The following PARD3B variants were observed in gnomAD, a reference collection of about 807,000 sequenced individuals.
PARD3B encodes the protein par-3 family cell polarity regulator beta, also known as partitioning defective 3 homolog B.
PARD3B carries 103 observed loss-of-function variants against 130.2 expected under a neutral mutation model. The ratio of observed to expected loss-of-function variants is 0.79; its 90% confidence interval spans 0.67 to 0.93. PARD3B has a LOEUF of 0.93. PARD3B is among the 40% of genes least tolerant of loss of function. The pLI is 0.00. For synonymous variants in PARD3B, 583 were observed against 553.2 expected, an observed-to-expected ratio of 1.05 and a Z score of -0.76; for missense variants, 1,609 against 1,499.2, an observed-to-expected ratio of 1.07 and a Z score of -1.21.
At chr2:204,797,209 A>T (rs1258846059) in intron 2 of PARD3B, among the ~76,000 whole-genome samples, 1 of 151,904 alleles carries the variant, frequency 6.6e-6, no homozygotes, top group African/African-American at 2.4e-5. Flanking sequence ...TATGCTATAG[A>T]ATTGTAAGCT....
intron 4 of PARD3B, among the ~76,000 whole-genome samples, chr2:205,079,071 G>A (rs1042649170): frequency 3.3e-5 from 5 of 152,212 alleles, no homozygotes; most frequent in African/African-American, 1.2e-4. Context: ...CAAACTCTAT[G>A]AGATGTGAAT....
chr2:205,501,610 G>A (rs866630877), intron 21 of PARD3B, among the ~76,000 whole-genome samples: 2 of 152,178 alleles, frequency 1.3e-5, no homozygotes, highest in African/African-American at 4.8e-5. Flanking sequence ...ACAGAACACC[G>A]TGTCCAGCGC....
At chr2:205,556,410 T>G (rs1055593807) in intron 22 of PARD3B, among the ~76,000 whole-genome samples, 2 of 152,098 alleles carry the variant, frequency 1.3e-5, no homozygotes, top group African/African-American at 2.4e-5. Context: ...TCTGGTCAAG[T>G]GCTTTCATGG....
rs1239129053 is a variant in PARD3B, at chr2:204,799,907, G to T, written c.222+113625G>T. The stretch of plus-strand genomic sequence containing the variant: ...ATACTTGGTAAGCCTTCCTAAGAAG[G>T]GTGGGTACAAACAAGCCAAGACTGT... On this transcript the variant is annotated intron_variant, in intron 2 of 22. Coordinates refer to ENST00000406610, the MANE Select transcript of PARD3B (RefSeq NM_001302769.2). The surrounding 1 kb of genome is among the most constrained non-coding windows in gnomAD (Gnocchi z 4.1). Among the ~76,000 whole-genome samples, 1 of 152,180 alleles carries T rather than the reference G, an allele frequency of 6.6e-6. No individual in the cohort carries two copies. The highest frequency in any genetic ancestry group is 2.4e-5 in the African/African-American group (1 of 41,452).
chr2:205,167,186 G>T (rs754463823), intron 11 of PARD3B, among the ~76,000 whole-genome samples: 66 of 152,198 alleles, frequency 4.3e-4, no homozygotes, highest in Middle Eastern at 3.4e-3. Context: ...TCATGGCAGA[G>T]GAAGTACCCA....
intron 22 of PARD3B, among the ~76,000 whole-genome samples, chr2:205,583,385 G>GTGTGTGTT (rs774150668): frequency 7.3e-5 from 5 of 68,710 alleles, no homozygotes; most frequent in Admixed American, 1.6e-4. Context: ...CTCTGTGTGT[G>GTGTGTGTT]TGTGTGTGTG....
chr2:204,575,457 T>A (rs2032208779), intron 1 of PARD3B, among the ~76,000 whole-genome samples: 1 of 152,224 alleles, frequency 6.6e-6, no homozygotes, highest in African/African-American at 2.4e-5. Context: ...AATATGTAAA[T>A]TATTGACCCT....
intron 4 of PARD3B, 40 bp from the exon 5 acceptor site, chr2:205,104,386 A>G: frequency 7.2e-7 from 1 of 1,395,510 alleles, no homozygotes; most frequent in Non-Finnish European, 1.0e-6. Flanking sequence ...TCAATTCAAT[A>G]TGCACAGCAT....
chr2:204,623,019 A>G lies in PARD3B; in HGVS notation c.121-63162A>G, dbSNP rs2034359445. 6.6e-6 allele frequency among the ~76,000 whole-genome samples: 1 copy of G among 152,034 alleles called. No homozygotes were observed. Among genetic ancestry groups the G allele is most frequent in the Non-Finnish European group, 1.5e-5 (1 of 67,992 alleles). On this transcript the variant is annotated intron_variant, in intron 1 of 22. Transcript: ENST00000406610. This position sits in a 1 kb window ranked among gnomAD's most constrained non-coding sequence, Gnocchi z 4.5. ...ATTTGCTTAGGCAGTGCTTTGTCAG[A>G]GATGGCAGACTATAAATTGGATCTT...
intron 1 of PARD3B, among the ~76,000 whole-genome samples, chr2:204,563,935 G>A (rs112611609): frequency 2.0e-5 from 3 of 151,720 alleles, no homozygotes; most frequent in East Asian, 3.9e-4. Context: ...CACCATGCCC[G>A]GCTAATTTTT....
chr2:205,597,391 T>C (rs1046697943), intron 22 of PARD3B, among the ~76,000 whole-genome samples: 1 of 152,186 alleles, frequency 6.6e-6, no homozygotes, highest in Non-Finnish European at 1.5e-5. Context: ...TATTCCATGG[T>C]GTATATGTAC....
At chr2:204,765,721 C>T (rs914798053) in intron 2 of PARD3B, among the ~76,000 whole-genome samples, 2 of 152,072 alleles carry the variant, frequency 1.3e-5, no homozygotes, top group African/African-American at 4.8e-5. Context: ...TGAAGTAGAA[C>T]ATTTATCAGG....
chr2:205,048,809 T>C (rs1439278890), intron 4 of PARD3B, among the ~76,000 whole-genome samples: 3 of 152,218 alleles, frequency 2.0e-5, no homozygotes, highest in Non-Finnish European at 4.4e-5. Context: ...AGCAGGTGTC[T>C]TGAAAGTATT....
At chr2:205,512,458 C>T (rs187267441) in intron 21 of PARD3B, among the ~76,000 whole-genome samples, 10 of 152,226 alleles carry the variant, frequency 6.6e-5, no homozygotes, top group Admixed American at 4.6e-4. Flanking sequence ...CATGAAGCTT[C>T]CTTCAAATGA....
At chr2:205,090,262 G>A (rs542598976) in intron 4 of PARD3B, among the ~76,000 whole-genome samples, 1 of 152,256 alleles carries the variant, frequency 6.6e-6, no homozygotes, top group African/African-American at 2.4e-5. Flanking sequence ...GAAAATCTCT[G>A]TTTTGTTCAT....
chr2:205,027,939 C>T (rs1697150399), intron 3 of PARD3B, among the ~76,000 whole-genome samples: 1 of 152,034 alleles, frequency 6.6e-6, no homozygotes, highest in African/African-American at 2.4e-5. Flanking sequence ...TGTTTTTATG[C>T]CAATACCATA....
chr2:205,433,405 A>G (rs1206383888), intron 19 of PARD3B, among the ~76,000 whole-genome samples: 1 of 151,924 alleles, frequency 6.6e-6, no homozygotes, highest in East Asian at 1.9e-4. Flanking sequence ...GGTGACAGGC[A>G]CCTGTAATCC....
At chr2:205,392,726 G>A (rs931718867) in intron 18 of PARD3B, among the ~76,000 whole-genome samples, 4 of 152,068 alleles carry the variant, frequency 2.6e-5, no homozygotes, top group Non-Finnish European at 4.4e-5. Context: ...GCCATGGAAC[G>A]GATTTAGAGT....
Position 204,806,734 on chromosome 2 carries a change from A to G in PARD3B, c.222+120452A>G, listed in dbSNP as rs1299269514. On this transcript the variant is annotated intron_variant, in intron 2 of 22. Transcript: ENST00000406610. ...ACAAAATGGTAGAAAATATTTGCAA[A>G]CTATTTGTCAGACAGGATTAAGAAC... Among the ~76,000 whole-genome samples, 3 of 152,216 alleles carry G rather than the reference A, an allele frequency of 2.0e-5. No homozygotes were observed. The East Asian group carries it at 5.8e-4, about 29-fold the overall frequency.
Sources: gnomAD v4.1 joint callset for allele counts (sites outside exome capture counted in the v4.1 genomes callset) on GRCh38, gnomAD v4.1.1 for gene constraint, Gnocchi (gnomAD v3.1) non-coding constraint, MANE v1.5 for transcripts, NCBI Gene and HGNC (gene_info 2026-07-23, HGNC 2026-07-21) for gene names.